SLC9A3: variants seen among roughly 807,000 people sequenced by gnomAD.
SLC9A3 encodes the protein solute carrier family 9 member A3.
Under a neutral mutation model 86.8 loss-of-function variants are expected in SLC9A3, and 37 were observed. The ratio of observed to expected loss-of-function variants is 0.43; its 90% CI spans 0.33 to 0.56. The LOEUF (loss-of-function observed/expected upper bound fraction) is 0.56, where lower values mean the gene tolerates loss of function less well. Among genes scored for constraint, SLC9A3 ranks in the 20% least tolerant of loss-of-function variants. The probability of loss-of-function intolerance (pLI) is 0.06; values close to 1 mark genes in which losing one functional copy is unlikely to be tolerated. For missense variants in SLC9A3, 1,011 were observed against 1,171.9 expected (o/e 0.86, Z 2.00); for synonymous variants, 581 against 528.3 (o/e 1.10, Z -1.37).
intron 1 of SLC9A3, among the ~76,000 whole-genome samples, chr5:498,799 G>A (rs1740141495): frequency 6.6e-6 from 1 of 152,212 alleles, no homozygotes; most frequent in African/African-American, 2.4e-5. Context: ...GCTGGCCTCG[G>A]CTGCCTCTCC....
At chr5:499,620 C>T (rs531083278) in intron 1 of SLC9A3, among the ~76,000 whole-genome samples, 13 of 152,252 alleles carry the variant, frequency 8.5e-5, no homozygotes, top group East Asian at 1.9e-4. Context: ...GCCCTCTGTC[C>T]GCCATCTCCA....
intron 1 of SLC9A3, among the ~76,000 whole-genome samples, chr5:509,255 G>C (rs866980136): frequency 6.6e-6 from 1 of 152,180 alleles, no homozygotes; most frequent in African/African-American, 2.4e-5. Context: ...TTAAAGACCA[G>C]CCTGGGCAGC....
chr5:501,104 G>A lies in SLC9A3; in HGVS notation c.212-9033C>T, dbSNP rs974169210. ...CTGATGGTTACGACAGGGGACAGAC[G>A]CTTTTAGTTCTAATTACAAACCCTG... is the stretch of plus-strand genomic sequence containing the variant. On this transcript the variant is annotated intron_variant, in intron 1 of 16. Transcript: ENST00000264938. 7.9e-5 allele frequency among the ~76,000 whole-genome samples: 12 copies of A among 152,300 alleles called. No homozygotes were observed. The East Asian group carries it at 1.4e-3, about 17-fold the overall frequency.
chr5:479,721 TGGGCCTGGCCTTGGGACGCGGGTGCAG>T lies in SLC9A3; in HGVS notation c.1647+88_1647+114del, dbSNP rs1739031670. 2.8e-6 allele frequency: 3 copies of T among 1,067,024 alleles called. No individual in the cohort carries two copies. The African/African-American group carries it at 4.7e-5, about 17-fold the overall frequency. The allele number at this position is 1,067,024 out of a possible 1,614,324, so 66.1% of individuals were successfully genotyped here. ...ATCAGCCTCCCGTGAACTGCTGGGGTGGGCCTGGCCTTGGGACGCGGGTGCAGGGGCCTCTCCTCACTGCCCCATGGC... is the reference window on the plus strand; with the variant it reads ...ATCAGCCTCCCGTGAACTGCTGGGGTGGGCCTCTCCTCACTGCCCCATGGC... On this transcript the variant is annotated intron_variant, in intron 10 of 16. Transcript: ENST00000264938.
intron 1 of SLC9A3, among the ~76,000 whole-genome samples, chr5:522,418 A>T (rs912497703): frequency 2.0e-5 from 3 of 152,108 alleles, no homozygotes; most frequent in African/African-American, 7.2e-5. Flanking sequence ...CCAGATTCTG[A>T]CTCTGTACAC....
intron 1 of SLC9A3, among the ~76,000 whole-genome samples, chr5:520,084 T>C (rs994200925): frequency 6.6e-6 from 1 of 151,996 alleles, no homozygotes; most frequent in Non-Finnish European, 1.5e-5. Flanking sequence ...TGTCCTGGTT[T>C]CCCCGTGGGC....
chr5:498,005 G>A (rs1020960758), intron 1 of SLC9A3, among the ~76,000 whole-genome samples: 2 of 152,218 alleles, frequency 1.3e-5, no homozygotes, highest in Non-Finnish European at 2.9e-5. Flanking sequence ...CACGGATGCC[G>A]GCCTCCTGCC....
chr5:504,399 G>A (rs1343023031), intron 1 of SLC9A3, among the ~76,000 whole-genome samples: 2 of 152,226 alleles, frequency 1.3e-5, no homozygotes, highest in African/African-American at 4.8e-5. Context: ...CAGGGCGGTG[G>A]ACATGCAGGG....
intron 2 of SLC9A3, among the ~76,000 whole-genome samples, 186 bp from the exon 3 acceptor site, chr5:488,662 G>C (rs1182442594): frequency 6.6e-6 from 1 of 152,260 alleles, no homozygotes. Context: ...GAAGGCTGCT[G>C]TCTTCCGAGG....
chr5:524,096 C>G lies in SLC9A3; in HGVS notation c.211+16G>C. The stretch of plus-strand genomic sequence containing the variant: ...CACACCCCGCGGGCAGATCCGGAGA[C>G]CCCGGGGCCACTTACCGATCTTGGC... On this transcript the variant is annotated intron_variant, in intron 1 of 16. Transcript: ENST00000264938. 6.8e-7 allele frequency: 1 copy of G among 1,479,098 alleles called. No homozygotes were observed. Among genetic ancestry groups the G allele is most frequent in the Non-Finnish European group, 9.0e-7 (1 of 1,108,102 alleles). 91.6% of individuals were successfully genotyped at this position (1,479,098 alleles called of 1,614,324 possible).
rs1203249255 is a variant in SLC9A3, at chr5:472,268, GTCAGGGGTCCGGGGTCTAGGACAGGC to G, written c.*1085_*1110del. 6.0e-5 allele frequency: 21 copies of G among 351,666 alleles called. No individual in the cohort carries two copies. The highest frequency in any genetic ancestry group is 2.6e-4 in the South Asian group (12 of 46,412). 21.8% of individuals were successfully genotyped at this position (351,666 alleles called of 1,614,324 possible). On this transcript the variant is annotated 3_prime_UTR_variant, in exon 17 of 17. Transcript: ENST00000264938. ...TGGGACGCTGGAAGGGGTGGGAAGG[GTCAGGGGTCCGGGGTCTAGGACAGGC>G]TCAGGGGTCTCAGCAGGTTCTCCTT... is the stretch of plus-strand genomic sequence containing the variant.
chr5:488,190 GC>G, intron 3 of SLC9A3, 125 bp downstream of exon 3: 3 of 1,020,314 alleles, frequency 2.9e-6, no homozygotes, highest in Non-Finnish European at 4.4e-6. Flanking sequence ...GGGACGGGAC[GC>G]CCCCGGGAGG....
At chr5:509,155 A>G (rs1445142346) in intron 1 of SLC9A3, among the ~76,000 whole-genome samples, 1 of 151,182 alleles carries the variant, frequency 6.6e-6, no homozygotes, top group Non-Finnish European at 1.5e-5. Context: ...AAGACACATA[A>G]AGAAAATGTA....
In SLC9A3 at chr5:470,736, T is replaced by C. The variant is rs1579752180; in HGVS notation, c.*2643A>G. The C allele has an allele frequency of 6.6e-6, 1 of 152,454 alleles. No homozygotes were observed. Among genetic ancestry groups the C allele is most frequent in the South Asian group, 2.1e-4 (1 of 4,824 alleles). 9.4% of individuals were successfully genotyped at this position (152,454 alleles called of 1,614,324 possible). On this transcript the variant is annotated 3_prime_UTR_variant, in exon 17 of 17. Transcript: ENST00000264938. ...TTGATGAAATTCTTTGCTTTCACAATAGAAGATCAATGGTACACAGTATAT... is the reference window on the plus strand; with the variant it reads ...TTGATGAAATTCTTTGCTTTCACAACAGAAGATCAATGGTACACAGTATAT...
At chr5:482,046 C>CGCCCCCCA in intron 8 of SLC9A3, 22 bp downstream of exon 8, 1 of 701,680 alleles carries the variant, frequency 1.4e-6, no homozygotes. Context: ...GCCCCCCCCC[C>CGCCCCCCA]GCCCCCCAGC....
chr5:476,181 C>G, intron 13 of SLC9A3, 21 bp downstream of exon 13: 1 of 1,613,464 alleles, frequency 6.2e-7, no homozygotes, highest in Non-Finnish European at 8.5e-7. Flanking sequence ...CCCGCCAAGC[C>G]TCCTGGTGAC....
At position 482,798 on chromosome 5, in the gene SLC9A3, C is replaced by T. The variant is rs200180982; in HGVS notation, c.1154-48G>A. ...TCAGCTCCCCGGCCGCCCTCCCAGC[C>T]GCGGGACCCCAGCCCCTCCGGGACA... On this transcript the variant is annotated intron_variant, in intron 6 of 16. Coordinates refer to ENST00000264938, the MANE Select transcript of SLC9A3 (RefSeq NM_004174.4). 1.4e-4 allele frequency: 206 copies of T among 1,467,702 alleles called. 1 individual carries two copies. In the Middle Eastern group the frequency reaches 1.8e-3, roughly 13 times the overall value. The allele number at this position is 1,467,702 out of a possible 1,614,324, so 90.9% of individuals were successfully genotyped here. A position where few individuals can be genotyped will look rare whatever the true frequency, so the allele number is the denominator to read the frequency against.
chr5:519,475 CA>C (rs1309672903), intron 1 of SLC9A3, among the ~76,000 whole-genome samples: 1 of 152,210 alleles, frequency 6.6e-6, no homozygotes, highest in African/African-American at 2.4e-5. Flanking sequence ...CAGCTGCCCT[CA>C]CAGCCTGGGC....
chr5:483,366 A>G lies in SLC9A3; in HGVS notation c.1049T>C (p.Ile350Thr). The G allele has an allele frequency of 6.4e-7, 1 of 1,571,874 alleles. No homozygotes were observed. The highest frequency in any genetic ancestry group is 8.6e-7 in the Non-Finnish European group (1 of 1,159,014). The stretch of plus-strand genomic sequence containing the variant: ...GGCCGAGATACCCAGGAACATGAAG[A>G]TGATGGTCTCGGCGCTGCTGGCCAG... ...KMLASSAETIIFMFLGISAVN... is the reference protein window; with the variant it reads ...KMLASSAETITFMFLGISAVN... Residue 350 changes from isoleucine to threonine, a missense_variant, in exon 6 of 17, where the codon ATC (isoleucine) becomes ACC (threonine). Ile to Thr is a moderately conservative substitution (Grantham distance 89, BLOSUM62 -1). This residue lies in a region of SLC9A3 where 565 missense variants were observed against 790.0 expected (regional missense o/e 0.72). Coordinates refer to ENST00000264938, the MANE Select transcript of SLC9A3 (RefSeq NM_004174.4).
Sources: gnomAD v4.1 joint callset for allele counts (sites outside exome capture counted in the v4.1 genomes callset) on GRCh38, gnomAD v4.1.1 for gene constraint, gnomAD v4.1.1 regional missense constraint, MANE v1.5 for transcripts, NCBI Gene and HGNC (gene_info 2026-07-23, HGNC 2026-07-21) for gene names.